DGAT2: variants seen among roughly 807,000 people sequenced by gnomAD.
The protein encoded by DGAT2 is diacylglycerol O-acyltransferase 2, also known as acyl-CoA retinol O-fatty-acyltransferase.
DGAT2 carries 33 observed loss-of-function variants against 48.4 expected under a neutral mutation model. That is an observed-to-expected ratio of 0.68 (90% CI 0.52 to 0.91). The LOEUF (loss-of-function observed/expected upper bound fraction) is 0.91, where lower values mean the gene tolerates loss of function less well. Ranked by LOEUF, DGAT2 falls within the 40% of genes least tolerant of loss-of-function variation. The probability of loss-of-function intolerance (pLI) is 0.00; values close to 1 mark genes in which losing one functional copy is unlikely to be tolerated. For synonymous variants in DGAT2, 191 were observed against 194.1 expected, an observed-to-expected ratio of 0.98 and a Z score of 0.13; for missense variants, 446 against 493.7, an observed-to-expected ratio of 0.90 and a Z score of 0.92.
At chr11:75,790,841 T>C in intron 4 of DGAT2, 110 bp downstream of exon 4, 1 of 1,083,824 alleles carries the variant, frequency 9.2e-7, no homozygotes, top group Non-Finnish European at 1.4e-6. Flanking sequence ...GGTCTCTTCA[T>C]TTCCTTTCTA....
chr11:75,769,086 T>A lies in DGAT2; in HGVS notation c.95T>A (p.Leu32Gln). ...CAGCGCTCTCACGGAGGACCTGCGCTGTCGCGCGAGGGGTCTGGGAGATGG... is the reference window on the plus strand; with the variant it reads ...CAGCGCTCTCACGGAGGACCTGCGCAGTCGCGCGAGGGGTCTGGGAGATGG... ...RSQRSHGGPA[L>Q]SREGSGRWGT... The change falls in exon 1 of 8, where the codon CTG becomes CAG. Residue 32 changes from leucine to glutamine, a missense_variant. Transcript: ENST00000228027. The A allele has an allele frequency of 1.3e-6, 2 of 1,574,340 alleles. No homozygotes were observed. Among genetic ancestry groups the A allele is most frequent in the Non-Finnish European group, 1.7e-6 (2 of 1,164,354 alleles).
At chr11:75,775,191 AC>A (rs1242121809) in intron 1 of DGAT2, among the ~76,000 whole-genome samples, 1 of 152,194 alleles carries the variant, frequency 6.6e-6, no homozygotes, top group Non-Finnish European at 1.5e-5. Context: ...CAACAAATCC[AC>A]CCCAGCTTCC....
At chr11:75,789,213 G>A (rs746976412) in intron 2 of DGAT2, among the ~76,000 whole-genome samples, 4 of 151,950 alleles carry the variant, frequency 2.6e-5, no homozygotes, top group Non-Finnish European at 4.4e-5. Context: ...GTAGTGGCGC[G>A]ATCATGGCTC....
intron 1 of DGAT2, among the ~76,000 whole-genome samples, chr11:75,769,532 C>T (rs1397943996): frequency 6.6e-6 from 1 of 152,128 alleles, no homozygotes; most frequent in African/African-American, 2.4e-5. Context: ...GTCCTCTGTC[C>T]CACATCCATC....
chr11:75,778,695 G>A (rs1256948982), intron 1 of DGAT2, among the ~76,000 whole-genome samples: 3 of 151,718 alleles, frequency 2.0e-5, no homozygotes, highest in African/African-American at 4.8e-5. Context: ...TTAGCCGGGC[G>A]TTGTGGCGGG....
intron 1 of DGAT2, among the ~76,000 whole-genome samples, chr11:75,772,281 C>G (rs1450411312): frequency 6.6e-6 from 1 of 152,128 alleles, no homozygotes; most frequent in Non-Finnish European, 1.5e-5. Flanking sequence ...GCCAGTTGCC[C>G]CCTACCCACA....
At chr11:75,778,828 C>T (rs1279971008) in intron 1 of DGAT2, among the ~76,000 whole-genome samples, 6 of 129,518 alleles carry the variant, frequency 4.6e-5, no homozygotes, top group Admixed American at 1.5e-4. Flanking sequence ...ATCGGGACTC[C>T]GTCTCAAAAA....
At chr11:75,776,400 G>A (rs1944803426) in intron 1 of DGAT2, 1 of 152,292 alleles carries the variant, frequency 6.6e-6, no homozygotes, top group Non-Finnish European at 1.5e-5. Context: ...GAGTACAGGG[G>A]TGAGATGGGA....
intron 1 of DGAT2, among the ~76,000 whole-genome samples, chr11:75,782,064 C>T (rs1317009027): frequency 6.6e-6 from 1 of 152,132 alleles, no homozygotes. Context: ...CCCAGCATGC[C>T]TCTTCCCTAC....
intron 2 of DGAT2, 75 bp from the exon 3 acceptor site, chr11:75,790,113 A>T: frequency 2.7e-6 from 3 of 1,096,766 alleles, no homozygotes; most frequent in Admixed American, 3.4e-5. Context: ...CACAGTAAAC[A>T]CTCACTCCAT....
chr11:75,796,747 G>T lies in DGAT2; in HGVS notation c.634+215G>T, dbSNP rs190530810. On this transcript the variant is annotated intron_variant, in intron 5 of 7. Transcript: ENST00000228027. ...AACTCGGATAACATCTTCCCTAGGA[G>T]GCCTTCTTTGACCCCCTTTTCTGGG... 306 of 581,136 alleles carry T rather than the reference G, an allele frequency of 5.3e-4. 1 individual carries two copies. Among genetic ancestry groups the T allele is most frequent in the African/African-American group, 5.1e-3 (275 of 53,606 alleles). The allele number at this position is 581,136 out of a possible 1,614,324, so 36.0% of individuals were successfully genotyped here.
At chr11:75,800,310 G>C (rs781762950) in intron 7 of DGAT2, 44 bp from the exon 8 acceptor site, 1 of 1,595,674 alleles carries the variant, frequency 6.3e-7, no homozygotes, top group Non-Finnish European at 8.5e-7. Flanking sequence ...GATGCCCAGG[G>C]GAAGGGTGTT....
chr11:75,780,209 T>A (rs1404257372), intron 1 of DGAT2, among the ~76,000 whole-genome samples: 1 of 152,064 alleles, frequency 6.6e-6, no homozygotes, highest in Non-Finnish European at 1.5e-5. Flanking sequence ...TGTGGTGGCA[T>A]CTGATTGCAG....
At chr11:75,787,015 C>T (rs926476757) in intron 2 of DGAT2, among the ~76,000 whole-genome samples, 1 of 152,130 alleles carries the variant, frequency 6.6e-6, no homozygotes, top group African/African-American at 2.4e-5. Flanking sequence ...AAAGATCTAG[C>T]AGCACATGTA....
intron 1 of DGAT2, among the ~76,000 whole-genome samples, chr11:75,769,736 C>T (rs944790812): frequency 6.6e-6 from 1 of 152,128 alleles, no homozygotes; most frequent in African/African-American, 2.4e-5. Flanking sequence ...CTTCCAACCC[C>T]CACCTCCCTT....
chr11:75,784,891 C>A (rs1944905141), intron 2 of DGAT2, 145 bp downstream of exon 2: 2 of 1,167,272 alleles, frequency 1.7e-6, no homozygotes, highest in Admixed American at 4.7e-5. Context: ...CCACATCTAT[C>A]TTTTGGGTCC....
intron 1 of DGAT2, among the ~76,000 whole-genome samples, chr11:75,778,778 G>A (rs921498867): frequency 3.4e-5 from 5 of 147,668 alleles, no homozygotes; most frequent in African/African-American, 7.6e-5. Context: ...AGGTTGCAGC[G>A]AGTCGAGATC....
At chr11:75,792,886 T>C (rs1454421244) in intron 4 of DGAT2, 1 of 152,264 alleles carries the variant, frequency 6.6e-6, no homozygotes, top group Non-Finnish European at 1.5e-5. Context: ...GCAGGACTAG[T>C]GTAGGAACCA....
chr11:75,768,822 G>T lies in DGAT2; in HGVS notation c.-170G>T, dbSNP rs887450764. Reference sequence around the variant, plus strand: ...CTGGGGTCTAGGCTGTTTCTCTCGCGCCACCACTGGCCGCCGGCCGCAGCT... The same window carrying T: ...CTGGGGTCTAGGCTGTTTCTCTCGCTCCACCACTGGCCGCCGGCCGCAGCT... On this transcript the variant is annotated 5_prime_UTR_variant, in exon 1 of 8. Transcript: ENST00000228027. 9 of 829,040 alleles carry T rather than the reference G, an allele frequency of 1.1e-5. No individual in the cohort carries two copies. The African/African-American group carries it at 1.6e-4, about 15-fold the overall frequency. 51.4% of individuals were successfully genotyped at this position (829,040 alleles called of 1,614,324 possible).
Sources: allele counts gnomAD v4.1 joint callset (sites outside exome capture counted in the v4.1 genomes callset), GRCh38; gene constraint gnomAD v4.1.1; transcripts MANE v1.5; gene names NCBI Gene and HGNC (gene_info 2026-07-23, HGNC 2026-07-21).